The following DNAI3 variants were observed in gnomAD, a reference collection of about 807,000 sequenced individuals.
The protein encoded by DNAI3 is WD repeat domain 63.
Under a neutral mutation model 115.5 loss-of-function variants are expected in DNAI3, and 83 were observed. The observed-to-expected ratio is 0.72, with a 90% CI of 0.60 to 0.86. DNAI3 has a LOEUF of 0.86. Among genes scored for constraint, DNAI3 ranks in the 40% least tolerant of loss-of-function variants. The pLI is 0.00. For synonymous variants in DNAI3, 320 were observed against 347.0 expected, an observed-to-expected ratio of 0.92 and a Z score of 0.86; for missense variants, 1,004 against 1,075.8, an observed-to-expected ratio of 0.93 and a Z score of 0.93.
intron 1 of DNAI3, among the ~76,000 whole-genome samples, chr1:85,064,418 C>G (rs1288165588): frequency 2.0e-5 from 3 of 152,104 alleles, no homozygotes; most frequent in African/African-American, 4.8e-5. Flanking sequence ...ATAGTTGTCT[C>G]TAGGGGTGGA....
chr1:85,095,846 A>G, intron 10 of DNAI3, 85 bp from the exon 11 acceptor site: 1 of 1,304,060 alleles, frequency 7.7e-7, no homozygotes, highest in Non-Finnish European at 1.1e-6. Flanking sequence ...ATAAAATTAG[A>G]CTTTTAACTG....
intron 16 of DNAI3, among the ~76,000 whole-genome samples, chr1:85,110,484 C>CTAAATAA: frequency 6.6e-6 from 1 of 150,870 alleles, no homozygotes; most frequent in African/African-American, 2.4e-5. Flanking sequence ...TAAATAAATA[C>CTAAATAA]ATTTACTAAT....
intron 12 of DNAI3, among the ~76,000 whole-genome samples, 169 bp downstream of exon 12, chr1:85,097,824 C>T (rs1359724695): frequency 6.6e-6 from 1 of 151,950 alleles, no homozygotes; most frequent in Non-Finnish European, 1.5e-5. Context: ...TTCTGAATCA[C>T]TTTTATGTGG....
chr1:85,116,797 A>G (rs1478550130), intron 16 of DNAI3, among the ~76,000 whole-genome samples: 1 of 152,166 alleles, frequency 6.6e-6, no homozygotes, highest in Admixed American at 6.5e-5. Flanking sequence ...GTTCATTTTG[A>G]TACTCGTTTT....
Position 85,132,854 on chromosome 1 carries a change from G to A in DNAI3, c.2533-1G>A. 1 of 1,610,536 alleles carries A rather than the reference G, an allele frequency of 6.2e-7. No individual in the cohort carries two copies. Among genetic ancestry groups the A allele is most frequent in the Non-Finnish European group, 8.5e-7 (1 of 1,178,986 alleles). ...ATGTCTTGTTTTTCTTCCCCCCCCAGAAAACATATCAGAAGTCAAAAGAAC... is the reference window on the plus strand; with the variant it reads ...ATGTCTTGTTTTTCTTCCCCCCCCAAAAAACATATCAGAAGTCAAAAGAAC... On this transcript the variant is annotated splice_acceptor_variant, in intron 22 of 22. Transcript: ENST00000294664. LOFTEE classifies it high-confidence loss of function.
chr1:85,084,173 A>ATATG (rs10679646), intron 5 of DNAI3, among the ~76,000 whole-genome samples: 70,089 of 139,650 alleles, frequency 0.5, 17,965 homozygotes, highest in Middle Eastern at 0.54. Flanking sequence ...GTATATATAT[A>ATATG]TGTGTGTGTG....
chr1:85,069,232 A>C (rs556069531), intron 1 of DNAI3, among the ~76,000 whole-genome samples: 19 of 151,924 alleles, frequency 1.3e-4, no homozygotes, highest in South Asian at 6.2e-4. Context: ...CTTTAAACAT[A>C]CTGTTCCCTC....
intron 9 of DNAI3, chr1:85,094,129 C>T: frequency 2.3e-6 from 1 of 427,578 alleles, no homozygotes. Context: ...TTTCACCCTA[C>T]ACTGGCCCTT....
intron 22 of DNAI3, among the ~76,000 whole-genome samples, chr1:85,131,962 A>G (rs1484352197): frequency 6.6e-6 from 1 of 152,218 alleles, no homozygotes; most frequent in Non-Finnish European, 1.5e-5. Flanking sequence ...TCCATTTGAT[A>G]TGGTGCCCTC....
chr1:85,122,467 G>A (rs1656020241), intron 18 of DNAI3, among the ~76,000 whole-genome samples: 2 of 152,176 alleles, frequency 1.3e-5, no homozygotes, highest in Non-Finnish European at 2.9e-5. Flanking sequence ...TCAGAGCCTT[G>A]GGGTTCACTA....
At chr1:85,063,752 C>T (rs1654011098) in intron 1 of DNAI3, among the ~76,000 whole-genome samples, 1 of 152,122 alleles carries the variant, frequency 6.6e-6, no homozygotes, top group East Asian at 1.9e-4. Flanking sequence ...CTGAGGTTGG[C>T]CTCTTGAGTA....
chr1:85,128,914 C>T, intron 21 of DNAI3, 115 bp downstream of exon 21: 4 of 851,044 alleles, frequency 4.7e-6, no homozygotes, highest in Non-Finnish European at 7.5e-6. Flanking sequence ...ACAAAAGACT[C>T]ATACAGTAAA....
intron 14 of DNAI3, among the ~76,000 whole-genome samples, chr1:85,105,947 A>G (rs1298975573): frequency 3.9e-5 from 6 of 152,316 alleles, no homozygotes; most frequent in African/African-American, 1.4e-4. Flanking sequence ...GTGGTTCCCC[A>G]AAGAACCACT....
chr1:85,104,541 C>T lies in DNAI3; in HGVS notation c.1497C>T (p.Ser499=), dbSNP rs202068626. 3 of 1,613,570 alleles carry T rather than the reference C, an allele frequency of 1.9e-6. No individual in the cohort carries two copies. The highest frequency in any genetic ancestry group is 2.5e-6 in the Non-Finnish European group (3 of 1,179,694). The change falls in exon 14 of 23, where the codon TCC becomes TCT. Residue 499 remains serine, a synonymous_variant. Transcript: ENST00000294664. Reference sequence around the variant, plus strand: ...AAAAATAGATTAACAGAATGGGCTCCGTCTTTGAGAATCGAAGTGGAATAT... The same window carrying T: ...AAAAATAGATTAACAGAATGGGCTCTGTCTTTGAGAATCGAAGTGGAATAT... ...SDTFEINRMG[S]VFENRSGICC... is the part of the protein sequence containing the mutation.
intron 3 of DNAI3, among the ~76,000 whole-genome samples, chr1:85,077,246 A>G (rs1296604686): frequency 6.6e-6 from 1 of 152,194 alleles, no homozygotes; most frequent in Non-Finnish European, 1.5e-5. Context: ...TGGAACAGTT[A>G]GATAGCTGTA....
At chr1:85,103,103 A>G (rs1220610924) in intron 13 of DNAI3, among the ~76,000 whole-genome samples, 1 of 152,044 alleles carries the variant, frequency 6.6e-6, no homozygotes, top group Non-Finnish European at 1.5e-5. Flanking sequence ...TGCCACCTAT[A>G]CCTTCCCCAC....
intron 17 of DNAI3, 112 bp from the exon 18 acceptor site, chr1:85,121,639 G>T: frequency 1.1e-6 from 1 of 946,436 alleles, no homozygotes; most frequent in South Asian, 1.6e-5. Context: ...TGATTAAATT[G>T]ACTTGTTGTT....
rs780916665 is a variant in DNAI3 at position 85,081,288 on chromosome 1, A to G, written c.158A>G (p.Asn53Ser). The G allele has an allele frequency of 6.2e-7, 1 of 1,604,268 alleles. No individual in the cohort carries two copies. Among genetic ancestry groups the G allele is most frequent in the East Asian group, 2.2e-5 (1 of 44,548 alleles). ...VLTTKTQEIFNCRIDEDVTDE... is the reference protein window; with the variant it reads ...VLTTKTQEIFSCRIDEDVTDE... ...ACCACCAAGACCCAAGAAATATTTA[A>G]CTGCCGAATAGATGAAGATGTCACA... Residue 53 changes from asparagine (N) to serine (S), a missense_variant, in exon 4 of 23, where the codon AAC becomes AGC. This residue lies in a region of DNAI3 where 550 missense variants were observed against 568.1 expected (regional missense o/e 0.97). Transcript: ENST00000294664.
At chr1:85,128,125 C>CAAAAAAA (rs11344833) in intron 20 of DNAI3, among the ~76,000 whole-genome samples, 23 of 64,384 alleles carry the variant, frequency 3.6e-4, no homozygotes, top group East Asian at 5.0e-4. Flanking sequence ...GACCCTGTCT[C>CAAAAAAA]AAAAAAAAAA....
Sources: allele counts gnomAD v4.1 joint callset (sites outside exome capture counted in the v4.1 genomes callset), GRCh38; gene constraint gnomAD v4.1.1; regional missense constraint gnomAD v4.1.1; transcripts MANE v1.5; gene names NCBI Gene and HGNC (gene_info 2026-07-23, HGNC 2026-07-21).